CNNM2: variants seen among roughly 807,000 people sequenced by gnomAD.
The protein encoded by CNNM2 is metal transporter CNNM2.
In CNNM2, 12 loss-of-function variants were observed where a neutral mutation model predicts 66.9. The observed-to-expected ratio is 0.18, with a 90% confidence interval of 0.11 to 0.29. The LOEUF (loss-of-function observed/expected upper bound fraction) is 0.29, where lower values mean the gene tolerates loss of function less well. CNNM2 is among the 10% of genes least tolerant of loss of function. The pLI is 1.00. For synonymous variants in CNNM2, 557 were observed against 501.8 expected, an observed-to-expected ratio of 1.11 and a Z score of -1.47; for missense variants, 705 against 1,167.7, an observed-to-expected ratio of 0.60 and a Z score of 5.77.
At chr10:103,024,491 T>G (rs2064658610) in intron 1 of CNNM2, among the ~76,000 whole-genome samples, 1 of 152,142 alleles carries the variant, frequency 6.6e-6, no homozygotes, top group African/African-American at 2.4e-5. Context: ...TATTTTTATT[T>G]TTTTTGAGAT....
intron 1 of CNNM2, among the ~76,000 whole-genome samples, chr10:102,979,324 C>G (rs939554319): frequency 2.0e-5 from 3 of 152,204 alleles, no homozygotes; most frequent in Non-Finnish European, 4.4e-5. Flanking sequence ...GAAATTCTTA[C>G]AGTGGCATAT....
chr10:103,020,800 G>A (rs988814596), intron 1 of CNNM2, among the ~76,000 whole-genome samples: 1 of 73,066 alleles, frequency 1.4e-5, no homozygotes, highest in African/African-American at 5.2e-5. Flanking sequence ...AAGGGCGCAT[G>A]AGGGTGTAGG....
intron 1 of CNNM2, among the ~76,000 whole-genome samples, chr10:102,931,448 C>G (rs781086550): frequency 2.6e-5 from 4 of 151,682 alleles, no homozygotes; most frequent in Non-Finnish European, 5.9e-5. Context: ...CCTCCGCCTT[C>G]CCGGGTTCAA....
In CNNM2 at chr10:102,919,248, G is replaced by A; in HGVS notation, c.768G>A (p.Trp256Ter). 1 of 1,613,698 alleles carries A rather than the reference G, an allele frequency of 6.2e-7. No homozygotes were observed. The highest frequency in any genetic ancestry group is 1.3e-5 in the African/African-American group (1 of 75,060). ...GEEKKFLLPF[W>*]LQVIFISLLL... ...AGAAGAAGTTCCTGCTGCCCTTCTG[G>A]CTGCAGGTGATCTTCATTTCGCTGC... is the stretch of plus-strand genomic sequence containing the variant. The change falls in exon 1 of 8, where the codon TGG (tryptophan) becomes TGA (stop). Residue 256 changes from tryptophan (W) to a stop codon, truncating the protein, a stop_gained. Coordinates refer to ENST00000369878, the MANE Select transcript of CNNM2 (RefSeq NM_017649.5). LOFTEE classifies it high-confidence loss of function.
In CNNM2 at chr10:103,076,076, C is replaced by T. The variant is rs756986545; in HGVS notation, c.2234-10C>T. On this transcript the variant is annotated splice_polypyrimidine_tract_variant and intron_variant, in intron 6 of 7. Transcript: ENST00000369878. ...CACTTAAACAGTTGGATTTTTCCCT[C>T]CTTTTCCAGGTGAAAATAAGTCCCC... 2 of 1,603,612 alleles carry T rather than the reference C, an allele frequency of 1.2e-6. No individual in the cohort carries two copies. Among genetic ancestry groups the T allele is most frequent in the Non-Finnish European group, 8.5e-7 (1 of 1,173,064 alleles).
chr10:102,968,316 G>A (rs1053437407), intron 1 of CNNM2, among the ~76,000 whole-genome samples: 1 of 152,106 alleles, frequency 6.6e-6, no homozygotes, highest in South Asian at 2.1e-4. Context: ...GCGCAATCTC[G>A]GCTGACTGTA....
At chr10:103,026,299 T>C (rs1230668324) in intron 1 of CNNM2, among the ~76,000 whole-genome samples, 1 of 152,174 alleles carries the variant, frequency 6.6e-6, no homozygotes, top group Middle Eastern at 3.2e-3. Context: ...CAAGTACAAA[T>C]GTCATAAATA....
At chr10:103,051,819 G>GA (rs1391610477) in intron 2 of CNNM2, among the ~76,000 whole-genome samples, 3 of 152,186 alleles carry the variant, frequency 2.0e-5, no homozygotes, top group Non-Finnish European at 2.9e-5. Flanking sequence ...ACTATTTTCT[G>GA]AAAACGTATC....
Position 103,088,188 on chromosome 10 carries a change from A to C in CNNM2, c.*11008A>C, listed in dbSNP as rs2065925183. The stretch of plus-strand genomic sequence containing the variant: ...ATTACACTTTATTGAATTCTGGAGC[A>C]GCTAATCTACCCTCCCCTATTGACC... On this transcript the variant is annotated 3_prime_UTR_variant, in exon 8 of 8. Coordinates refer to ENST00000369878, the MANE Select transcript of CNNM2 (RefSeq NM_017649.5). The C allele has an allele frequency of 1.3e-5, 2 of 152,246 alleles. No homozygotes were observed. The highest frequency in any genetic ancestry group is 4.8e-5 in the African/African-American group (2 of 41,466). The allele number at this position is 152,246 out of a possible 1,614,324, so 9.4% of individuals were successfully genotyped here.
chr10:102,942,593 G>A (rs1008869511), intron 1 of CNNM2, among the ~76,000 whole-genome samples: 2 of 152,128 alleles, frequency 1.3e-5, no homozygotes, highest in Admixed American at 1.3e-4. Context: ...TTGCCTTTTG[G>A]CTATTGTGAA....
chr10:103,065,032 C>T (rs2065452946), intron 4 of CNNM2, among the ~76,000 whole-genome samples: 1 of 152,122 alleles, frequency 6.6e-6, no homozygotes. Flanking sequence ...TAGATGGAGT[C>T]CAGAGGGAAG....
In CNNM2 at chr10:103,077,096, C is replaced by T. The variant is rs35647154; in HGVS notation, c.2544C>T (p.Asp848=). ...CGGAGCTGCATGACGGGTTGCCAGA[C>T]GAGACAGCCAACCTGCTCAACGAAC... The part of the protein sequence containing the change: ...TLTELHDGLP[D]ETANLLNEQN... The change falls in exon 8 of 8, where the codon GAC becomes GAT. Residue 848 remains aspartate (D), a synonymous_variant. Coordinates refer to ENST00000369878, the MANE Select transcript of CNNM2 (RefSeq NM_017649.5). 0.061 allele frequency: 99,094 copies of T among 1,613,908 alleles called. 3,519 individuals carry two copies. The highest frequency in any genetic ancestry group is 0.15 in the Middle Eastern group (931 of 6,058).
chr10:103,012,580 G>A (rs1306136456), intron 1 of CNNM2, among the ~76,000 whole-genome samples: 7 of 151,416 alleles, frequency 4.6e-5, no homozygotes, highest in East Asian at 1.9e-4. Context: ...CCTGGGAGGC[G>A]AAGGTTGCAG....
chr10:102,926,797 G>A (rs1590259137), intron 1 of CNNM2, among the ~76,000 whole-genome samples: 1 of 146,312 alleles, frequency 6.8e-6, no homozygotes, highest in Non-Finnish European at 1.5e-5. Context: ...CTCACTGCAA[G>A]CTCCACCTCC....
At chr10:103,046,534 G>C (rs2134324684) in intron 1 of CNNM2, among the ~76,000 whole-genome samples, 1 of 152,140 alleles carries the variant, frequency 6.6e-6, no homozygotes, top group South Asian at 2.1e-4. Flanking sequence ...TATTTATGTG[G>C]GTTCTATCTT....
intron 1 of CNNM2, among the ~76,000 whole-genome samples, chr10:102,931,695 G>T (rs1240592059): frequency 2.0e-5 from 3 of 151,932 alleles, no homozygotes; most frequent in African/African-American, 7.3e-5. Context: ...TATATACACG[G>T]GAATAGAATT....
intron 6 of CNNM2, among the ~76,000 whole-genome samples, chr10:103,074,457 G>A (rs1275516329): frequency 1.3e-5 from 2 of 152,224 alleles, no homozygotes; most frequent in Non-Finnish European, 2.9e-5. Context: ...AAGGGGAACT[G>A]CCACTCTGAA....
At chr10:103,057,932 G>GT (rs1270029752) in intron 4 of CNNM2, among the ~76,000 whole-genome samples, 1 of 152,206 alleles carries the variant, frequency 6.6e-6, no homozygotes, top group East Asian at 1.9e-4. Context: ...TTTTATCACA[G>GT]TTTCACTTAA....
At chr10:103,029,329 G>A (rs1231475603) in intron 1 of CNNM2, among the ~76,000 whole-genome samples, 18 of 150,640 alleles carry the variant, frequency 1.2e-4, no homozygotes, top group Non-Finnish European at 1.6e-4. Context: ...ATAGGCGGGC[G>A]TGGTGGCCAG....
Sources: gnomAD v4.1 joint callset for allele counts (sites outside exome capture counted in the v4.1 genomes callset) on GRCh38, gnomAD v4.1.1 for gene constraint, MANE v1.5 for transcripts, NCBI Gene and HGNC (gene_info 2026-07-23, HGNC 2026-07-21) for gene names.